CAMTA1: variants seen among roughly 807,000 people sequenced by gnomAD.
CAMTA1 encodes calmodulin-binding transcription activator 1.
In CAMTA1, 27 loss-of-function variants were observed where a neutral mutation model predicts 170.9. The ratio of observed to expected loss-of-function variants is 0.16; its 90% CI spans 0.12 to 0.22. CAMTA1 has a LOEUF of 0.22. Among genes scored for constraint, CAMTA1 ranks in the 10% least tolerant of loss-of-function variants. The pLI is 1.00. For synonymous variants in CAMTA1, 833 were observed against 891.5 expected (o/e 0.93, Z 1.17); for missense variants, 1,619 against 2,217.2 (o/e 0.73, Z 5.42).
At chr1:7,203,646 A>G (rs1239192939) in intron 4 of CAMTA1, among the ~76,000 whole-genome samples, 1 of 151,712 alleles carries the variant, frequency 6.6e-6, no homozygotes, top group East Asian at 1.9e-4. Flanking sequence ...TTGGTGTACA[A>G]TTGCTCATAG....
At chr1:7,678,288 C>T (rs2096144730) in intron 11 of CAMTA1, among the ~76,000 whole-genome samples, 1 of 152,206 alleles carries the variant, frequency 6.6e-6, no homozygotes, top group Admixed American at 6.5e-5. Flanking sequence ...CCTCAAATAC[C>T]CTCAACTCCA....
At chr1:7,236,353 A>C (rs1663856833) in intron 4 of CAMTA1, among the ~76,000 whole-genome samples, 1 of 152,194 alleles carries the variant, frequency 6.6e-6, no homozygotes, top group Admixed American at 6.5e-5. Flanking sequence ...CCTTGCAACA[A>C]AAGGAAGAAC....
chr1:7,050,979 T>G lies in CAMTA1; in HGVS notation c.235-40325T>G, dbSNP rs964088262. 3.3e-5 allele frequency among the ~76,000 whole-genome samples: 5 copies of G among 152,184 alleles called. No individual in the cohort carries two copies. Among genetic ancestry groups the G allele is most frequent in the Non-Finnish European group, 7.3e-5 (5 of 68,042 alleles). Reference sequence around the variant, plus strand: ...GCACAGGGAGAATGACTGTGCTGCCTCTTTCCGGGGTGTAATTTGAGTTTG... The same window carrying G: ...GCACAGGGAGAATGACTGTGCTGCCGCTTTCCGGGGTGTAATTTGAGTTTG... On this transcript the variant is annotated intron_variant, in intron 3 of 22. Transcript: ENST00000303635. The surrounding 1 kb of genome is among the most constrained non-coding windows in gnomAD (Gnocchi z 4.8).
Position 6,815,725 on chromosome 1 carries a change from A to G in CAMTA1, c.46-4456A>G, listed in dbSNP as rs577822512. On this transcript the variant is annotated intron_variant, in intron 1 of 22. Transcript: ENST00000303635. ...TCATTTATCTAATTCCTGATCTTTT[A>G]GTTTGATCATCTGGTTTCTGATACT... Among the ~76,000 whole-genome samples the G allele has an allele frequency of 1.1e-4, 17 of 152,318 alleles. 1 individual carries two copies. The South Asian group carries it at 3.5e-3, about 32-fold the overall frequency.
chr1:7,491,850 GA>G (rs1274399903), intron 6 of CAMTA1, among the ~76,000 whole-genome samples: 1 of 152,204 alleles, frequency 6.6e-6, no homozygotes, highest in Non-Finnish European at 1.5e-5. Context: ...CTCCATGATG[GA>G]AAATGCAAAC....
In CAMTA1 at chr1:7,736,715, A is replaced by G. The variant is rs1320445383; in HGVS notation, c.3263+175A>G. Among the ~76,000 whole-genome samples the G allele has an allele frequency of 6.6e-6, 1 of 152,180 alleles. No individual in the cohort carries two copies. Among genetic ancestry groups the G allele is most frequent in the Non-Finnish European group, 1.5e-5 (1 of 68,034 alleles). On this transcript the variant is annotated intron_variant, in intron 13 of 22. Transcript: ENST00000303635. The surrounding 1 kb of genome is among the most constrained non-coding windows in gnomAD (Gnocchi z 4.5). ...GGAGTTTTATAAACTTCTTCCCAAG[A>G]AATACCCAGAGAGATAAGAATTAAA...
intron 4 of CAMTA1, among the ~76,000 whole-genome samples, chr1:7,122,260 G>C (rs1040758806): frequency 6.6e-6 from 1 of 151,818 alleles, no homozygotes; most frequent in Non-Finnish European, 1.5e-5. Context: ...TCTTGCCCCC[G>C]CCTTGAGCTT....
intron 5 of CAMTA1, among the ~76,000 whole-genome samples, chr1:7,270,320 G>A (rs1340419807): frequency 1.5e-5 from 2 of 137,818 alleles, no homozygotes; most frequent in Non-Finnish European, 3.0e-5. Context: ...GTGAGATGGA[G>A]TTTCACTCTT....
At chr1:6,836,198 C>T (rs1487039142) in intron 3 of CAMTA1, among the ~76,000 whole-genome samples, 9 of 152,112 alleles carry the variant, frequency 5.9e-5, no homozygotes, top group Non-Finnish European at 1.0e-4. Flanking sequence ...AAAGAAGCTC[C>T]TAAAAAATAA....
At chr1:7,416,203 C>T (rs1015552950) in intron 5 of CAMTA1, among the ~76,000 whole-genome samples, 2 of 152,152 alleles carry the variant, frequency 1.3e-5, no homozygotes, top group Non-Finnish European at 2.9e-5. Flanking sequence ...TTTTTTCCTT[C>T]ATTTCAACTT....
chr1:7,220,454 C>T (rs1329916900), intron 4 of CAMTA1, among the ~76,000 whole-genome samples: 2 of 152,166 alleles, frequency 1.3e-5, no homozygotes, highest in Admixed American at 1.3e-4. Flanking sequence ...CCTGGCCTGG[C>T]CTATTTTTTC....
At chr1:7,256,495 G>A (rs1297703034) in intron 5 of CAMTA1, among the ~76,000 whole-genome samples, 1 of 152,228 alleles carries the variant, frequency 6.6e-6, no homozygotes, top group African/African-American at 2.4e-5. Flanking sequence ...GGGAGGCGCA[G>A]CTTGCAGTGA....
chr1:7,135,989 T>G (rs1338581910), intron 4 of CAMTA1, among the ~76,000 whole-genome samples: 1 of 152,222 alleles, frequency 6.6e-6, no homozygotes, highest in East Asian at 1.9e-4. Flanking sequence ...CAAAGCCAAC[T>G]TTTTACTTTC....
At chr1:7,307,802 G>T (rs1675820007) in intron 5 of CAMTA1, among the ~76,000 whole-genome samples, 1 of 151,974 alleles carries the variant, frequency 6.6e-6, no homozygotes, top group Non-Finnish European at 1.5e-5. Context: ...AGGGATATTG[G>T]TTTATAGTTT....
At chr1:6,963,190 C>T (rs1363219575) in intron 3 of CAMTA1, among the ~76,000 whole-genome samples, 1 of 149,732 alleles carries the variant, frequency 6.7e-6, no homozygotes. Context: ...CTTTTGGCTC[C>T]TCCTCACCCG....
intron 5 of CAMTA1, among the ~76,000 whole-genome samples, chr1:7,368,253 G>T (rs534044996): frequency 6.7e-6 from 1 of 150,066 alleles, no homozygotes; most frequent in South Asian, 2.2e-4. Flanking sequence ...GGTTTCATTG[G>T]GTGTATGCCC....
chr1:6,867,190 T>C (rs780167926), intron 3 of CAMTA1, among the ~76,000 whole-genome samples: 3 of 152,224 alleles, frequency 2.0e-5, no homozygotes, highest in Non-Finnish European at 2.9e-5. Context: ...CTCCAAAGTT[T>C]CCTGGTGCCT....
In CAMTA1 at chr1:7,674,908, G is replaced by A. The variant is rs1248397591; in HGVS notation, c.2780-2691G>A. On this transcript the variant is annotated intron_variant, in intron 10 of 22. Coordinates refer to ENST00000303635, the MANE Select transcript of CAMTA1 (RefSeq NM_015215.4). This position sits in a 1 kb window ranked among gnomAD's most constrained non-coding sequence, Gnocchi z 4.1. ...CACTGACCTTGGCACTAGGCATGAA[G>A]ATTAAGACAGAGCCAGTCCCAGCTC... Among the ~76,000 whole-genome samples the A allele has an allele frequency of 6.6e-6, 1 of 152,222 alleles. No homozygotes were observed. The highest frequency in any genetic ancestry group is 1.5e-5 in the Non-Finnish European group (1 of 68,042).
intron 4 of CAMTA1, among the ~76,000 whole-genome samples, chr1:7,129,921 G>GTA (rs1473258674): frequency 4.9e-5 from 1 of 20,418 alleles, no homozygotes; most frequent in Non-Finnish European, 1.0e-4. Flanking sequence ...ACCTTCTTTT[G>GTA]TGTGTGTGTG....
Sources: allele counts gnomAD v4.1 joint callset (sites outside exome capture counted in the v4.1 genomes callset), GRCh38; gene constraint gnomAD v4.1.1; non-coding constraint Gnocchi (gnomAD v3.1); transcripts MANE v1.5; gene names NCBI Gene and HGNC (gene_info 2026-07-23, HGNC 2026-07-21).